SPINK14: variants seen among roughly 807,000 people sequenced by gnomAD.
The protein encoded by SPINK14 is serine peptidase inhibitor Kazal type 14 (putative).
Under a neutral mutation model 14.2 loss-of-function variants are expected in SPINK14, and 6 were observed. The ratio of observed to expected loss-of-function variants is 0.42; its 90% CI spans 0.23 to 0.83. The LOEUF is 0.83. SPINK14 is among the 40% of genes least tolerant of loss of function. The probability of loss-of-function intolerance (pLI) is 0.28; values close to 1 mark genes in which losing one functional copy is unlikely to be tolerated. For missense variants in SPINK14, 86 were observed against 108.3 expected, an observed-to-expected ratio of 0.79 and a Z score of 0.91; for synonymous variants, 34 against 36.8, an observed-to-expected ratio of 0.92 and a Z score of 0.27.
At chr5:148,169,869 G>A (rs1231950406) in intron 2 of SPINK14, 70 bp downstream of exon 2, 5 of 1,288,926 alleles carry the variant, frequency 3.9e-6, no homozygotes, top group African/African-American at 1.5e-5. Context: ...TAATCTGAGA[G>A]AGAATGCTTT....
At chr5:148,173,192 C>T (rs919128608) in intron 3 of SPINK14, among the ~76,000 whole-genome samples, 9 of 151,970 alleles carry the variant, frequency 5.9e-5, no homozygotes, top group Non-Finnish European at 1.2e-4. Flanking sequence ...AATTCCTAGC[C>T]AAAACTTTCT....
In SPINK14 at chr5:148,169,814, TG is replaced by T. The variant is rs1438069243; in HGVS notation, c.67+17del. ...GTTATCTTCTGGTGAGTAATTTAGCTGGTCTTGGCCAGCAGTTGAAATTGAT... is the reference window on the plus strand; with the variant it reads ...GTTATCTTCTGGTGAGTAATTTAGCTGTCTTGGCCAGCAGTTGAAATTGAT... On this transcript the variant is annotated intron_variant, in intron 2 of 4. Transcript: ENST00000356972. The T allele has an allele frequency of 4.4e-6, 7 of 1,606,162 alleles. No individual in the cohort carries two copies.
At position 148,170,985 on chromosome 5, in the gene SPINK14, T is replaced by C. The variant is rs767855397; in HGVS notation, c.111+12T>C. 1 of 1,611,640 alleles carries C rather than the reference T, an allele frequency of 6.2e-7. No individual in the cohort carries two copies. Among genetic ancestry groups the C allele is most frequent in the Middle Eastern group, 1.7e-4 (1 of 6,050 alleles). On this transcript the variant is annotated intron_variant, in intron 3 of 4. Coordinates refer to ENST00000356972, the MANE Select transcript of SPINK14 (RefSeq NM_001001325.2). ...GTGGAATTATTAAGGTAATGTTCCA[T>C]TAAATTTCCCCCCAGGACTTACATT...
chr5:148,169,765 G>C lies in SPINK14; in HGVS notation c.33G>C (p.Leu11Phe). 6.2e-7 allele frequency: 1 copy of C among 1,607,426 alleles called. No individual in the cohort carries two copies. The highest frequency in any genetic ancestry group is 1.1e-5 in the South Asian group (1 of 90,394). The change falls in exon 2 of 5, where the codon TTG becomes TTC. Residue 11 changes from leucine (L) to phenylalanine (F), a missense_variant. By Grantham distance (22) the Leu-to-Phe change is conservative. Coordinates refer to ENST00000356972, the MANE Select transcript of SPINK14 (RefSeq NM_001001325.2). Reference sequence around the variant, plus strand: ...AATCTTTCCCAGTATTCTCACTTTTGTCCTTTATCTTGATACATTTGGTGT... The same window carrying C: ...AATCTTTCCCAGTATTCTCACTTTTCTCCTTTATCTTGATACATTTGGTGT... The part of the protein sequence containing the change: MAKSFPVFSL[L>F]SFILIHLVLS...
rs1386199773 is a variant in SPINK14 at position 148,169,815 on chromosome 5, G to A, written c.67+16G>A. ...TTATCTTCTGGTGAGTAATTTAGCTGGTCTTGGCCAGCAGTTGAAATTGAT... is the reference window on the plus strand; with the variant it reads ...TTATCTTCTGGTGAGTAATTTAGCTAGTCTTGGCCAGCAGTTGAAATTGAT... On this transcript the variant is annotated intron_variant, in intron 2 of 4. Transcript: ENST00000356972. The A allele has an allele frequency of 1.9e-6, 3 of 1,602,074 alleles. No individual in the cohort carries two copies. Among genetic ancestry groups the A allele is most frequent in the Non-Finnish European group, 1.7e-6 (2 of 1,173,166 alleles).
At chr5:148,170,210 A>C (rs943952684) in intron 2 of SPINK14, among the ~76,000 whole-genome samples, 16 of 150,870 alleles carry the variant, frequency 1.1e-4, no homozygotes, top group African/African-American at 3.4e-4. Context: ...ATATATATAT[A>C]TATAGAGAGA....
intron 3 of SPINK14, 88 bp downstream of exon 3, chr5:148,171,061 T>C (rs2113280948): frequency 7.9e-7 from 1 of 1,260,754 alleles, no homozygotes; most frequent in Non-Finnish European, 1.2e-6. Flanking sequence ...ACTTAATGCC[T>C]CAAGGTCACC....
At chr5:148,173,253 G>A (rs1755130476) in intron 3 of SPINK14, among the ~76,000 whole-genome samples, 1 of 152,006 alleles carries the variant, frequency 6.6e-6, no homozygotes, top group Non-Finnish European at 1.5e-5. Flanking sequence ...TGACACTTAT[G>A]GAGTCCCTGA....
intron 3 of SPINK14, among the ~76,000 whole-genome samples, chr5:148,171,942 C>T (rs796451613): frequency 1.1e-4 from 16 of 152,258 alleles, no homozygotes; most frequent in African/African-American, 3.9e-4. Context: ...AATAAATGCG[C>T]TCACTTTTAC....
intron 4 of SPINK14, among the ~76,000 whole-genome samples, chr5:148,174,882 C>T (rs1189383595): frequency 2.6e-5 from 4 of 152,158 alleles, no homozygotes; most frequent in Admixed American, 6.6e-5. Context: ...AGCTTTGATT[C>T]CTATATGAGT....
chr5:148,171,311 T>C (rs1327156913), intron 3 of SPINK14, among the ~76,000 whole-genome samples: 1 of 152,138 alleles, frequency 6.6e-6, no homozygotes, highest in Non-Finnish European at 1.5e-5. Flanking sequence ...GCTCACAGTC[T>C]GATGGAAACA....
chr5:148,173,132 A>T (rs1755128691), intron 3 of SPINK14, among the ~76,000 whole-genome samples: 1 of 148,064 alleles, frequency 6.8e-6, no homozygotes, highest in African/African-American at 2.4e-5. Context: ...GTTGAATAAA[A>T]AAAGAGGGAA....
intron 2 of SPINK14, among the ~76,000 whole-genome samples, chr5:148,170,459 T>A (rs937171026): frequency 6.6e-6 from 1 of 152,032 alleles, no homozygotes; most frequent in Non-Finnish European, 1.5e-5. Flanking sequence ...AGAGAAGAAA[T>A]CATGTAGGGA....
At chr5:148,170,199 C>CAT (rs1488716517) in intron 2 of SPINK14, among the ~76,000 whole-genome samples, 31 of 145,200 alleles carry the variant, frequency 2.1e-4, no homozygotes, top group South Asian at 6.6e-4. Flanking sequence ...CACACACATA[C>CAT]ATATATATAT....
chr5:148,175,264 C>T (rs1755152401), intron 4 of SPINK14, 89 bp from the exon 5 acceptor site: 1 of 844,976 alleles, frequency 1.2e-6, no homozygotes, highest in East Asian at 2.9e-5. Context: ...AAATATAAAA[C>T]CAGGTTTTAG....
intron 3 of SPINK14, 61 bp downstream of exon 3, chr5:148,171,034 G>C: frequency 1.3e-6 from 2 of 1,509,256 alleles, no homozygotes; most frequent in Non-Finnish European, 1.8e-6. Flanking sequence ...TTTTTTTTTG[G>C]AATTGTTACT....
rs1755094898 is a variant in SPINK14 at position 148,170,820 on chromosome 5, A to G, written c.68-110A>G. On this transcript the variant is annotated intron_variant, in intron 2 of 4. Coordinates refer to ENST00000356972, the MANE Select transcript of SPINK14 (RefSeq NM_001001325.2). ...ATGTATAAATGAAATAATGTTTTCC[A>G]TTGCTGAAAACTTCCTTGATAATAA... The G allele has an allele frequency of 7.7e-6, 7 of 907,800 alleles. No individual in the cohort carries two copies. In the Admixed American group the frequency reaches 1.5e-4, roughly 19 times the overall value. The allele number at this position is 907,800 out of a possible 1,614,324, so 56.2% of individuals were successfully genotyped here.
intron 3 of SPINK14, among the ~76,000 whole-genome samples, chr5:148,172,248 G>A (rs530653437): frequency 3.3e-5 from 5 of 152,210 alleles, no homozygotes; most frequent in African/African-American, 1.2e-4. Flanking sequence ...GGTGAAGAGG[G>A]GGGAGAAAGA....
Position 148,175,388 on chromosome 5 carries a change from GA to G in SPINK14, c.288del (p.Lys96AsnfsTer4). ...GGAAGAATCAGGTTTTACCATGATG[GA>G]AAATGTTAGCTGAGTGGACTTGAAT... ...SHGRIRFYHDGKC is the reference protein window; with the variant it reads ...SHGRIRFYHDXKC On this transcript the variant is annotated frameshift_variant, in exon 5 of 5. Coordinates refer to ENST00000356972, the MANE Select transcript of SPINK14 (RefSeq NM_001001325.2). LOFTEE classifies it high-confidence loss of function. 1.2e-6 allele frequency: 2 copies of G among 1,605,404 alleles called. No homozygotes were observed. Among genetic ancestry groups the G allele is most frequent in the Non-Finnish European group, 1.7e-6 (2 of 1,174,454 alleles).
Sources: gnomAD v4.1 joint callset for allele counts (sites outside exome capture counted in the v4.1 genomes callset) on GRCh38, gnomAD v4.1.1 for gene constraint, MANE v1.5 for transcripts, NCBI Gene and HGNC (gene_info 2026-07-23, HGNC 2026-07-21) for gene names.